The following NOX4 variants were observed in gnomAD, a reference collection of about 807,000 sequenced individuals.
NOX4 encodes kidney oxidase-1.
Under a neutral mutation model 87.6 loss-of-function variants are expected in NOX4, and 69 were observed. The ratio of observed to expected loss-of-function variants is 0.79; its 90% CI spans 0.65 to 0.96. The LOEUF (loss-of-function observed/expected upper bound fraction) is 0.96. Among genes scored for constraint, NOX4 ranks in the 40% least tolerant of loss-of-function variants. NOX4 has a pLI of 0.00. For missense variants in NOX4, 680 were observed against 681.5 expected (o/e 1.00, Z 0.02); for synonymous variants, 275 against 238.2 (o/e 1.15, Z -1.42).
Position 89,326,142 on chromosome 11 carries a change from C to A in NOX4, c.*614G>T, listed in dbSNP as rs1238067043. ...TATATAAAAATAGATACTATAACAA[C>A]ATTTGAGGAAGGTTCAGTTAGCATA... On this transcript the variant is annotated 3_prime_UTR_variant, in exon 18 of 18. Transcript: ENST00000263317. 6.6e-6 allele frequency: 1 copy of A among 151,718 alleles called. No homozygotes were observed. Among genetic ancestry groups the A allele is most frequent in the Non-Finnish European group, 1.5e-5 (1 of 67,904 alleles). The allele number at this position is 151,718 out of a possible 1,614,324, so 9.4% of individuals were successfully genotyped here.
At chr11:89,422,809 T>C (rs1943155625) in intron 7 of NOX4, among the ~76,000 whole-genome samples, 1 of 149,402 alleles carries the variant, frequency 6.7e-6, no homozygotes, top group South Asian at 2.2e-4. Context: ...TTTTTTTTTT[T>C]TTTTTTTTGA....
intron 8 of NOX4, among the ~76,000 whole-genome samples, chr11:89,413,309 C>A (rs779358015): frequency 6.6e-6 from 1 of 152,000 alleles, no homozygotes. Flanking sequence ...ACCATATGAC[C>A]CAGCAATCCT....
intron 4 of NOX4, among the ~76,000 whole-genome samples, chr11:89,444,698 T>C (rs867413272): frequency 1.7e-4 from 26 of 152,158 alleles, no homozygotes; most frequent in African/African-American, 5.8e-4. Flanking sequence ...AGGTAAATTA[T>C]AGGCCACTGA....
intron 2 of NOX4, among the ~76,000 whole-genome samples, chr11:89,461,418 G>C (rs1565322108): frequency 6.6e-6 from 1 of 152,132 alleles, no homozygotes; most frequent in African/African-American, 2.4e-5. Flanking sequence ...GCTAAGGCTG[G>C]CGGATCATGA....
the NOX4 span, among the ~76,000 whole-genome samples, chr11:89,513,523 C>A: frequency 2.2e-4 from 33 of 152,020 alleles, no homozygotes; most frequent in African/African-American, 7.9e-4. Context: ...ATTTTTCAAA[C>A]ATAAGCAAAA....
At chr11:89,542,640 T>C in the NOX4 span, among the ~76,000 whole-genome samples, 1 of 152,186 alleles carries the variant, frequency 6.6e-6, no homozygotes, top group African/African-American at 2.4e-5. Flanking sequence ...ATAGGGCAGC[T>C]TTTAGTGGTG....
chr11:89,358,996 T>G (rs1232934242), intron 12 of NOX4, among the ~76,000 whole-genome samples: 2 of 151,972 alleles, frequency 1.3e-5, no homozygotes, highest in African/African-American at 4.8e-5. Flanking sequence ...GATGTGATAA[T>G]GTCTGAACGT....
At chr11:89,520,172 A>G in the NOX4 span, among the ~76,000 whole-genome samples, 3 of 152,076 alleles carry the variant, frequency 2.0e-5, no homozygotes, top group African/African-American at 2.4e-5. Flanking sequence ...TGGGTACACA[A>G]TGAGACATGC....
At chr11:89,527,407 T>A in the NOX4 span, among the ~76,000 whole-genome samples, 1 of 151,862 alleles carries the variant, frequency 6.6e-6, no homozygotes, top group Non-Finnish European at 1.5e-5. Flanking sequence ...TAATGAAGAG[T>A]CAAATGCTAA....
At chr11:89,340,194 T>C in intron 14 of NOX4, 23 bp from the exon 15 acceptor site, 2 of 1,444,594 alleles carry the variant, frequency 1.4e-6, no homozygotes, top group Non-Finnish European at 1.9e-6. Context: ...AATAACATGA[T>C]AGTGATTAGG....
chr11:89,451,867 G>C lies in NOX4; in HGVS notation c.182C>G (p.Ala61Gly). The C allele has an allele frequency of 6.2e-7, 1 of 1,613,090 alleles. No homozygotes were observed. Among genetic ancestry groups the C allele is most frequent in the Non-Finnish European group, 8.5e-7 (1 of 1,179,228 alleles). The change falls in exon 3 of 18, where the codon GCA becomes GGA. Residue 61 changes from alanine (A) to glycine (G), a missense_variant. Ala to Gly is a moderately conservative substitution (Grantham distance 60, BLOSUM62 0). Coordinates refer to ENST00000263317, the MANE Select transcript of NOX4 (RefSeq NM_016931.5). ...GCTGCAGTTGAGGTTAAGAACAGAT[G>C]CTGAGGCTCTGCTTAGACACAATCC... is the stretch of plus-strand genomic sequence containing the variant. ...GLGLCLSRAS[A>G]SVLNLNCSLI...
intron 11 of NOX4, among the ~76,000 whole-genome samples, chr11:89,385,739 A>G (rs1940652993): frequency 6.6e-6 from 1 of 152,158 alleles, no homozygotes; most frequent in Non-Finnish European, 1.5e-5. Context: ...GCCCCTGACC[A>G]GGACTGGCAA....
the NOX4 span, chr11:89,548,611 G>A: frequency 2.0e-5 from 3 of 152,070 alleles, no homozygotes; most frequent in African/African-American, 4.8e-5. Flanking sequence ...AGACAGTGAG[G>A]CCTTTCCTCT....
intron 17 of NOX4, among the ~76,000 whole-genome samples, chr11:89,331,860 G>A (rs970530433): frequency 6.6e-6 from 1 of 150,476 alleles, no homozygotes; most frequent in Non-Finnish European, 1.5e-5. Flanking sequence ...GTGTGTGTGC[G>A]ATTTGAGGAT....
chr11:89,495,700 G>A (rs975498015), upstream of NOX4, among the ~76,000 whole-genome samples: 1 of 152,016 alleles, frequency 6.6e-6, no homozygotes, highest in Non-Finnish European at 1.5e-5. Flanking sequence ...AAGACTTCTG[G>A]AGAAATTTAC....
At chr11:89,341,360 C>A (rs1243273638) in intron 14 of NOX4, among the ~76,000 whole-genome samples, 1 of 151,948 alleles carries the variant, frequency 6.6e-6, no homozygotes, top group African/African-American at 2.4e-5. Flanking sequence ...TGGCCTCAAG[C>A]GATCCACCCA....
chr11:89,546,603 T>C, the NOX4 span: 1 of 152,148 alleles, frequency 6.6e-6, no homozygotes, highest in African/African-American at 2.4e-5. Context: ...TACCACGCAC[T>C]GGGTAGTTTA....
intron 14 of NOX4, among the ~76,000 whole-genome samples, chr11:89,341,781 A>G (rs1946013832): frequency 6.6e-6 from 1 of 152,140 alleles, no homozygotes; most frequent in African/African-American, 2.4e-5. Context: ...AGAACCACTT[A>G]CCGCTGATGA....
the NOX4 span, among the ~76,000 whole-genome samples, chr11:89,523,327 G>A: frequency 5.3e-4 from 80 of 152,244 alleles, no homozygotes; most frequent in African/African-American, 1.4e-3. Flanking sequence ...TGGCTGGAAA[G>A]CACAGAACTC....
Sources: gnomAD v4.1 joint callset for allele counts (sites outside exome capture counted in the v4.1 genomes callset) on GRCh38, gnomAD v4.1.1 for gene constraint, MANE v1.5 for transcripts, NCBI Gene and HGNC (gene_info 2026-07-23, HGNC 2026-07-21) for gene names.